The following CNTNAP2 variants were observed in gnomAD, a reference collection of about 807,000 sequenced individuals.
CNTNAP2 encodes contactin-associated protein-like 2.
Under a neutral mutation model 155.2 loss-of-function variants are expected in CNTNAP2, and 98 were observed. The ratio of observed to expected loss-of-function variants is 0.63; its 90% CI spans 0.54 to 0.75. The LOEUF (loss-of-function observed/expected upper bound fraction) is 0.75. Among genes scored for constraint, CNTNAP2 ranks in the 30% least tolerant of loss-of-function variants. The pLI is 0.00. For missense variants in CNTNAP2, 1,727 were observed against 1,688.1 expected (o/e 1.02, Z -0.40); for synonymous variants, 651 against 631.2 (o/e 1.03, Z -0.47).
chr7:148,023,664 G>A (rs1358696415), intron 15 of CNTNAP2, among the ~76,000 whole-genome samples: 1 of 152,150 alleles, frequency 6.6e-6, no homozygotes, highest in Non-Finnish European at 1.5e-5. Flanking sequence ...ATTCTGTGAG[G>A]TGCCAGGTCA....
chr7:148,217,675 C>T, intron 19 of CNTNAP2, 151 bp downstream of exon 19: 1 of 857,598 alleles, frequency 1.2e-6, no homozygotes, highest in Middle Eastern at 2.7e-4. Context: ...CATTTCTCTC[C>T]ATGAATATCA....
intron 17 of CNTNAP2, among the ~76,000 whole-genome samples, chr7:148,152,388 C>A (rs1387872549): frequency 6.6e-6 from 1 of 151,746 alleles, no homozygotes; most frequent in African/African-American, 2.4e-5. Context: ...GGGTGACAGC[C>A]ACAGAACTGG....
chr7:148,205,409 A>G (rs1795434422), intron 18 of CNTNAP2, among the ~76,000 whole-genome samples: 1 of 152,260 alleles, frequency 6.6e-6, no homozygotes, highest in Admixed American at 6.5e-5. Flanking sequence ...AAACTGAGGC[A>G]GAGTCACTGG....
At chr7:146,504,052 G>A (rs975334753) in intron 1 of CNTNAP2, among the ~76,000 whole-genome samples, 2 of 152,224 alleles carry the variant, frequency 1.3e-5, no homozygotes, top group Admixed American at 6.5e-5. Context: ...ATTACATAGT[G>A]CGCGGAATTG....
At chr7:146,639,843 C>T (rs913127380) in intron 1 of CNTNAP2, among the ~76,000 whole-genome samples, 1 of 152,194 alleles carries the variant, frequency 6.6e-6, no homozygotes, top group African/African-American at 2.4e-5. Context: ...AAGTCTTTGT[C>T]CACATCACAG....
chr7:147,546,314 A>G (rs1799730098), intron 11 of CNTNAP2, among the ~76,000 whole-genome samples: 1 of 151,512 alleles, frequency 6.6e-6, no homozygotes, highest in African/African-American at 2.5e-5. Flanking sequence ...GGTAAAGATC[A>G]GCAGGAAAAA....
intron 9 of CNTNAP2, among the ~76,000 whole-genome samples, chr7:147,347,500 ATGTG>A (rs1407391848): frequency 1.6e-5 from 2 of 121,328 alleles, no homozygotes; most frequent in Non-Finnish European, 3.7e-5. Flanking sequence ...ATGCATATAT[ATGTG>A]TGTGTGTGTG....
At chr7:148,201,834 A>T (rs1316795598) in intron 18 of CNTNAP2, among the ~76,000 whole-genome samples, 1 of 152,154 alleles carries the variant, frequency 6.6e-6, no homozygotes, top group African/African-American at 2.4e-5. Flanking sequence ...ATAAGACATT[A>T]GAAAGAAGTG....
chr7:146,157,610 C>A (rs995225295), intron 1 of CNTNAP2, among the ~76,000 whole-genome samples: 2 of 152,148 alleles, frequency 1.3e-5, no homozygotes, highest in Admixed American at 6.5e-5. Context: ...CTTGGAGGGT[C>A]CCATGCCCAC....
intron 1 of CNTNAP2, among the ~76,000 whole-genome samples, chr7:146,272,469 A>G (rs10265768): frequency 0.013 from 2,017 of 152,256 alleles, 43 homozygotes; most frequent in African/African-American, 0.047. Flanking sequence ...TTAATAAATG[A>G]TAATATGCCA....
intron 21 of CNTNAP2, among the ~76,000 whole-genome samples, chr7:148,323,260 C>T (rs1042266880): frequency 1.6e-5 from 2 of 125,024 alleles, no homozygotes; most frequent in Non-Finnish European, 3.3e-5. Context: ...CATGGTCCTT[C>T]TTCTGTGCCA....
chr7:148,288,004 A>C (rs146346716), intron 21 of CNTNAP2, among the ~76,000 whole-genome samples: 6,135 of 150,358 alleles, frequency 0.041, 227 homozygotes, highest in African/African-American at 0.099. Flanking sequence ...GTTGGCCAGG[A>C]TGGTCTCAAT....
intron 2 of CNTNAP2, among the ~76,000 whole-genome samples, chr7:146,837,506 C>A (rs925911538): frequency 1.3e-5 from 2 of 151,976 alleles, no homozygotes; most frequent in Non-Finnish European, 2.9e-5. Flanking sequence ...TTTTTAAAGT[C>A]CTGGTCTGCT....
chr7:146,436,745 A>G (rs2129118328), intron 1 of CNTNAP2, among the ~76,000 whole-genome samples: 1 of 147,414 alleles, frequency 6.8e-6, no homozygotes, highest in African/African-American at 2.7e-5. Flanking sequence ...AATTTATGAA[A>G]TTTCTTAAAC....
intron 22 of CNTNAP2, among the ~76,000 whole-genome samples, chr7:148,388,511 A>G (rs894806254): frequency 2.0e-5 from 3 of 152,026 alleles, no homozygotes; most frequent in African/African-American, 7.3e-5. Flanking sequence ...TCCATGGTGT[A>G]TATGTGCCAC....
intron 3 of CNTNAP2, among the ~76,000 whole-genome samples, chr7:146,921,436 G>T (rs1330077003): frequency 6.6e-6 from 1 of 152,054 alleles, no homozygotes; most frequent in Non-Finnish European, 1.5e-5. Flanking sequence ...GGCAAGAGTC[G>T]TGTATTAGTT....
chr7:147,069,751 T>C (rs1799853654), intron 4 of CNTNAP2, among the ~76,000 whole-genome samples: 1 of 152,202 alleles, frequency 6.6e-6, no homozygotes, highest in African/African-American at 2.4e-5. Flanking sequence ...TGTTTTCTAG[T>C]AGGTAGAGTT....
At chr7:147,839,211 A>G (rs1798683934) in intron 13 of CNTNAP2, among the ~76,000 whole-genome samples, 1 of 152,112 alleles carries the variant, frequency 6.6e-6, no homozygotes, top group African/African-American at 2.4e-5. Context: ...TTGAGGGTGG[A>G]TCTGCCTTCC....
intron 18 of CNTNAP2, among the ~76,000 whole-genome samples, chr7:148,198,390 G>C (rs765690170): frequency 6.6e-6 from 1 of 152,188 alleles, no homozygotes; most frequent in Non-Finnish European, 1.5e-5. Context: ...TTAACTCATC[G>C]AGTATCTAAT....
Sources: gnomAD v4.1 joint callset for allele counts (sites outside exome capture counted in the v4.1 genomes callset) on GRCh38, gnomAD v4.1.1 for gene constraint, MANE v1.5 for transcripts, NCBI Gene and HGNC (gene_info 2026-07-23, HGNC 2026-07-21) for gene names.